Variants in DNAH2 observed in about 807,000 individuals in gnomAD.
DNAH2 encodes the protein dynein axonemal heavy chain 2, also known as axonemal beta dynein heavy chain 2.
Under a neutral mutation model 523.5 loss-of-function variants are expected in DNAH2, and 323 were observed. That is an observed-to-expected ratio of 0.62 (90% CI 0.56 to 0.68). The LOEUF (loss-of-function observed/expected upper bound fraction) is 0.68, where lower values mean the gene tolerates loss of function less well. DNAH2 is among the 30% of genes least tolerant of loss of function. The pLI, the probability that DNAH2 is intolerant of heterozygous loss-of-function variation, is 0.00. For missense variants in DNAH2, 4,907 were observed against 5,701.5 expected, an observed-to-expected ratio of 0.86 and a Z score of 4.49; for synonymous variants, 2,093 against 2,177.4, an observed-to-expected ratio of 0.96 and a Z score of 1.08.
At chr17:7,792,183 G>A (rs1322410237) in intron 45 of DNAH2, 69 bp from the exon 46 acceptor site, 2 of 1,601,746 alleles carry the variant, frequency 1.2e-6, no homozygotes, top group Non-Finnish European at 1.7e-6. Context: ...CGGTGGTCTG[G>A]GGCCCGTTCT....
chr17:7,767,089 T>G (rs1597590344), intron 22 of DNAH2, among the ~76,000 whole-genome samples: 1 of 106,466 alleles, frequency 9.4e-6, no homozygotes, highest in Admixed American at 1.0e-4. Flanking sequence ...CCCGCCCCAG[T>G]CCCCCGTCCC....
intron 12 of DNAH2, among the ~76,000 whole-genome samples, chr17:7,745,793 C>CAAAA (rs5819164): frequency 1.1e-3 from 131 of 123,506 alleles, no homozygotes; most frequent in East Asian, 1.6e-3. Context: ...CTGTCTCAAA[C>CAAAA]AAAAAAAAAA....
In DNAH2 at chr17:7,739,795, C is replaced by T. The variant is rs984964279; in HGVS notation, c.1233C>T (p.Cys411=). The change falls in exon 9 of 86, where the codon TGC becomes TGT. Residue 411 remains cysteine, a synonymous_variant. Transcript: ENST00000572933. ...ATGGCAAGCAGGGTCCCCTTCCTTG[C>T]TTCTTTGGTGCCCAGGGGCCACAGA... ...WEDGKQGPLP[C]FFGAQGPQIT... The T allele has an allele frequency of 3.1e-6, 5 of 1,613,872 alleles. No individual in the cohort carries two copies. The African/African-American group carries it at 5.3e-5, about 17-fold the overall frequency.
chr17:7,767,782 G>C, intron 22 of DNAH2, 118 bp from the exon 23 acceptor site: 1 of 1,314,642 alleles, frequency 7.6e-7, no homozygotes, highest in South Asian at 1.4e-5. Flanking sequence ...GACTGAGGAG[G>C]CCGCTGTATT....
In DNAH2 at chr17:7,812,389, CGGG is replaced by C. The variant is rs1459208428; in HGVS notation, c.9730-4179_9730-4177del. Among the ~76,000 whole-genome samples the C allele has an allele frequency of 3.3e-5, 5 of 151,836 alleles. No individual in the cohort carries two copies. In the South Asian group the frequency reaches 1.0e-3, roughly 32 times the overall value. ...TCCTAGCTCTTTGGGAGGCAGGGGC[CGGG>C]GGATTGCTTGAGCCTAGAAGTTGGA... On this transcript the variant is annotated intron_variant, in intron 63 of 85. Coordinates refer to ENST00000572933, the MANE Select transcript of DNAH2 (RefSeq NM_020877.5).
At chr17:7,809,049 A>G (rs1051422903) in intron 63 of DNAH2, among the ~76,000 whole-genome samples, 1 of 152,204 alleles carries the variant, frequency 6.6e-6, no homozygotes, top group African/African-American at 2.4e-5. Context: ...ACTGTTCCCC[A>G]TTTGAGGGAG....
At chr17:7,790,737 G>C (rs2076874442) in intron 44 of DNAH2, among the ~76,000 whole-genome samples, 2 of 150,886 alleles carry the variant, frequency 1.3e-5, no homozygotes, top group South Asian at 2.1e-4. Flanking sequence ...TAAGAGACAG[G>C]GTCTTGCTCT....
At chr17:7,774,559 A>G (rs1209018493) in intron 28 of DNAH2, among the ~76,000 whole-genome samples, 200 bp from the exon 29 acceptor site, 1 of 152,214 alleles carries the variant, frequency 6.6e-6, no homozygotes, top group Admixed American at 6.5e-5. Context: ...AATAGTGCAT[A>G]ATGAATACTG....
chr17:7,799,938 C>T (rs1488475963), intron 56 of DNAH2, among the ~76,000 whole-genome samples: 1 of 152,226 alleles, frequency 6.6e-6, no homozygotes, highest in East Asian at 1.9e-4. Context: ...TCTCATGCTC[C>T]CGAGGCCGTA....
chr17:7,796,653 G>T lies in DNAH2; in HGVS notation c.7863+1G>T. 6.2e-7 allele frequency: 1 copy of T among 1,609,652 alleles called. No homozygotes were observed. The highest frequency in any genetic ancestry group is 8.5e-7 in the Non-Finnish European group (1 of 1,178,274). On this transcript the variant is annotated splice_donor_variant, in intron 50 of 85. Transcript: ENST00000572933. LOFTEE classifies it high-confidence loss of function. The stretch of plus-strand genomic sequence containing the variant: ...CTTCAACCTTCGAGACATCTCCAAG[G>T]TGACTCGCGGCCTGACCTTGCCCCT...
chr17:7,735,193 C>T (rs556636879), intron 7 of DNAH2, among the ~76,000 whole-genome samples: 17 of 151,996 alleles, frequency 1.1e-4, no homozygotes, highest in African/African-American at 2.9e-4. Flanking sequence ...TGCAGTGGTG[C>T]GATCTCAGCT....
At position 7,823,544 on chromosome 17, in the gene DNAH2, G is replaced by A. The variant is rs747105961; in HGVS notation, c.11245G>A (p.Gly3749Arg). The A allele has an allele frequency of 2.5e-6, 4 of 1,613,994 alleles. No homozygotes were observed. In the African/African-American group the frequency reaches 4.0e-5, roughly 16 times the overall value. ...TELDKLTNFH[G>R]LMNSFEQYPR... ...GCTAGACAAACTGACCAACTTCCAC[G>A]GACTCATGAACTCCTTTGAGCAGTA... is the stretch of plus-strand genomic sequence containing the variant. The change falls in exon 74 of 86, where the codon GGA (glycine) becomes AGA (arginine). Residue 3749 changes from glycine to arginine, a missense_variant. Around this residue, in one of 3 missense-constraint regions of DNAH2, gnomAD observed 1,851 missense variants for 2,139.4 expected, o/e 0.87. Coordinates refer to ENST00000572933, the MANE Select transcript of DNAH2 (RefSeq NM_020877.5).
rs751434425 is a variant in DNAH2, at chr17:7,760,874, A to G, written c.2920A>G (p.Ile974Val). 1.2e-6 allele frequency: 2 copies of G among 1,614,218 alleles called. No homozygotes were observed. Among genetic ancestry groups the G allele is most frequent in the South Asian group, 2.2e-5 (2 of 91,090 alleles). The change falls in exon 18 of 86, where the codon ATT becomes GTT. Residue 974 changes from isoleucine to valine, a missense_variant. Physicochemically the swap from Ile to Val is conservative, Grantham distance 29. Around this residue, in one of 3 missense-constraint regions of DNAH2, gnomAD observed 2,806 missense variants for 3,190.8 expected, o/e 0.88. Transcript: ENST00000572933. This position sits in a 1 kb window ranked among gnomAD's most constrained non-coding sequence, Gnocchi z 4.0. ...CTGGGAGATCAACAAGGACTCCTTC[A>G]TTCATCGCTACCAGCGCCTCAACCC... ...EIWEINKDSFIHRYQRLNPPV... is the reference protein window; with the variant it reads ...EIWEINKDSFVHRYQRLNPPV...
intron 58 of DNAH2, 133 bp from the exon 59 acceptor site, chr17:7,804,123 G>A (rs2077297568): frequency 1.2e-6 from 1 of 861,144 alleles, no homozygotes; most frequent in Non-Finnish European, 1.8e-6. Flanking sequence ...ATCCCGACCA[G>A]GATGGTGGGG....
chr17:7,817,175 G>GCC, intron 64 of DNAH2, 115 bp from the exon 65 acceptor site: 1 of 1,407,218 alleles, frequency 7.1e-7, no homozygotes, highest in Non-Finnish European at 9.4e-7. Flanking sequence ...TTTAGGGGAG[G>GCC]GAAAGATCCT....
At chr17:7,737,302 G>A in intron 8 of DNAH2, 44 bp downstream of exon 8, 2 of 1,589,832 alleles carry the variant, frequency 1.3e-6, no homozygotes, top group Non-Finnish European at 1.7e-6. Flanking sequence ...TATGAGGGTG[G>A]CCGGGTTTTC....
chr17:7,739,966 C>G, intron 9 of DNAH2, 28 bp downstream of exon 9: 1 of 1,604,436 alleles, frequency 6.2e-7, no homozygotes, highest in Non-Finnish European at 8.5e-7. Flanking sequence ...TGATGCCAGG[C>G]GTGGGCAGGG....
chr17:7,818,608 T>G (rs777057648), intron 69 of DNAH2, 35 bp from the exon 70 acceptor site: 14 of 1,611,048 alleles, frequency 8.7e-6, no homozygotes, highest in Non-Finnish European at 1.1e-5. Context: ...GTCGAAGGAG[T>G]GACAGCCCCT....
rs760682184 is a variant in DNAH2, at chr17:7,774,906, G to A, written c.4649G>A (p.Arg1550Gln). Residue 1550 changes from arginine to glutamine, a missense_variant, in exon 29 of 86, where the codon CGA becomes CAA. Arg to Gln is a conservative substitution (Grantham distance 43, BLOSUM62 1). Transcript: ENST00000572933. ...DDLLEILGQS[R>Q]NPEAVQPHLK... The stretch of plus-strand genomic sequence containing the variant: ...CTGCTGGAGATTCTGGGCCAGTCCC[G>A]AAACCCAGAGGCTGTGCAGCCACAC... 8.1e-6 allele frequency: 13 copies of A among 1,614,018 alleles called. No individual in the cohort carries two copies. The highest frequency in any genetic ancestry group is 6.7e-5 in the African/African-American group (5 of 74,888).
Sources: gnomAD v4.1 joint callset for allele counts (sites outside exome capture counted in the v4.1 genomes callset) on GRCh38, gnomAD v4.1.1 for gene constraint, gnomAD v4.1.1 regional missense constraint, Gnocchi (gnomAD v3.1) non-coding constraint, MANE v1.5 for transcripts, NCBI Gene and HGNC (gene_info 2026-07-23, HGNC 2026-07-21) for gene names.